The following WNT6 variants were observed in gnomAD, a reference collection of about 807,000 sequenced individuals.
The protein encoded by WNT6 is Wnt family member 6, also known as protein Wnt-6.
WNT6 carries 27 observed loss-of-function variants against 33.1 expected under a neutral mutation model. That is an observed-to-expected ratio of 0.82 (90% CI 0.60 to 1.12). WNT6 has a LOEUF of 1.12. WNT6 is among the 50% of genes most tolerant of loss of function. WNT6 has a pLI of 0.00. For missense variants in WNT6, 494 were observed against 535.3 expected (o/e 0.92, Z 0.76); for synonymous variants, 249 against 242.8 (o/e 1.03, Z -0.24).
At position 218,874,056 on chromosome 2, in the gene WNT6, C is replaced by A; in HGVS notation, c.*211C>A. On this transcript the variant is annotated 3_prime_UTR_variant, in exon 4 of 4. Transcript: ENST00000233948. ...GGCGCCAGACGGCCCCGAAAAGGCG[C>A]TCGGGGAGCGTTTAAAGGACACTGT... 3.5e-6 allele frequency: 2 copies of A among 566,190 alleles called. No homozygotes were observed. The highest frequency in any genetic ancestry group is 5.9e-6 in the Non-Finnish European group (2 of 339,016). 35.1% of individuals were successfully genotyped at this position (566,190 alleles called of 1,614,324 possible).
In WNT6 at chr2:218,873,731, G is replaced by T; in HGVS notation, c.984G>T (p.Gly328=). The change falls in exon 4 of 4, where the codon GGG becomes GGT. Residue 328 remains glycine (G), a synonymous_variant. Transcript: ENST00000233948. This position sits in a 1 kb window ranked among gnomAD's most constrained non-coding sequence, Gnocchi z 6.1. ...SGCDLLCCGR[G]HRQESVQLEE... The stretch of plus-strand genomic sequence containing the variant: ...GCGACCTGCTGTGCTGCGGCCGCGG[G>T]CACCGCCAGGAGAGCGTGCAGCTCG... 1 of 1,576,926 alleles carries T rather than the reference G, an allele frequency of 6.3e-7. No individual in the cohort carries two copies.
Position 218,871,895 on chromosome 2 carries a change from G to C in WNT6, c.636+76G>C, listed in dbSNP as rs1005372280. ...GCAGGAGTGTGCTTGAGGAAGTGTT[G>C]GCAGGAGTGAGGGTGTGTAGGTGGA... is the stretch of plus-strand genomic sequence containing the variant. On this transcript the variant is annotated intron_variant, in intron 3 of 3. Transcript: ENST00000233948. The surrounding 1 kb of genome is among the most constrained non-coding windows in gnomAD (Gnocchi z 6.4). The C allele has an allele frequency of 3.2e-6, 4 of 1,235,606 alleles. No individual in the cohort carries two copies. In the African/African-American group the frequency reaches 6.3e-5, roughly 20 times the overall value. 76.5% of individuals were successfully genotyped at this position (1,235,606 alleles called of 1,614,324 possible).
At chr2:218,869,223 C>T (rs761236635) in intron 1 of WNT6, among the ~76,000 whole-genome samples, 1 of 151,990 alleles carries the variant, frequency 6.6e-6, no homozygotes, top group Admixed American at 6.5e-5. Context: ...TGTGTGCGTG[C>T]GCATGCGTGC....
At chr2:218,870,493 G>A (rs939722896) in intron 1 of WNT6, among the ~76,000 whole-genome samples, 3 of 152,158 alleles carry the variant, frequency 2.0e-5, no homozygotes, top group Admixed American at 6.5e-5. Flanking sequence ...CCAACATCTC[G>A]TGGCATTCTC....
chr2:218,863,547 C>A (rs1291792696), intron 1 of WNT6, among the ~76,000 whole-genome samples: 1 of 152,130 alleles, frequency 6.6e-6, no homozygotes, highest in Non-Finnish European at 1.5e-5. Flanking sequence ...GTGATGCATG[C>A]TTTCTAAACT....
In WNT6 at chr2:218,871,635, C is replaced by T. The variant is rs375766200; in HGVS notation, c.452C>T (p.Thr151Ile). 8 of 1,477,318 alleles carry T rather than the reference C, an allele frequency of 5.4e-6. No homozygotes were observed. The highest frequency in any genetic ancestry group is 2.3e-4 in the Middle Eastern group (1 of 4,256). The allele number at this position is 1,477,318 out of a possible 1,614,324, so 91.5% of individuals were successfully genotyped here. ...APPRPSGLPG[T>I]PGPPGPAGSP... ...CCCCGGCCCTCCGGCCTGCCCGGCACCCCCGGACCCCCTGGCCCCGCGGGC... is the reference window on the plus strand; with the variant it reads ...CCCCGGCCCTCCGGCCTGCCCGGCATCCCCGGACCCCCTGGCCCCGCGGGC... Residue 151 changes from threonine to isoleucine, a missense_variant, in exon 3 of 4, where the codon ACC becomes ATC. Coordinates refer to ENST00000233948, the MANE Select transcript of WNT6 (RefSeq NM_006522.4). The surrounding 1 kb of genome is among the most constrained non-coding windows in gnomAD (Gnocchi z 6.4).
At chr2:218,868,596 TG>T (rs1467855232) in intron 1 of WNT6, among the ~76,000 whole-genome samples, 1 of 151,898 alleles carries the variant, frequency 6.6e-6, no homozygotes, top group Admixed American at 6.6e-5. Context: ...TGATTCCCAG[TG>T]GGGGAAAAGA....
intron 1 of WNT6, among the ~76,000 whole-genome samples, chr2:218,868,009 C>G (rs1356062870): frequency 6.6e-6 from 1 of 152,148 alleles, no homozygotes; most frequent in South Asian, 2.1e-4. Flanking sequence ...CCCCCTGCCA[C>G]GCCCCTTCTG....
chr2:218,873,085 T>G lies in WNT6; in HGVS notation c.637-299T>G, dbSNP rs1944417878. 6.6e-6 allele frequency among the ~76,000 whole-genome samples: 1 copy of G among 152,062 alleles called. No homozygotes were observed. Among genetic ancestry groups the G allele is most frequent in the Non-Finnish European group, 1.5e-5 (1 of 68,002 alleles). On this transcript the variant is annotated intron_variant, in intron 3 of 3. Transcript: ENST00000233948. This position sits in a 1 kb window ranked among gnomAD's most constrained non-coding sequence, Gnocchi z 6.1. ...TCCAAAGAGAATCTCACCCCTGCTG[T>G]CCATTCTGCTTTCTCCCCCACCCCC... is the stretch of plus-strand genomic sequence containing the variant.
intron 1 of WNT6, among the ~76,000 whole-genome samples, chr2:218,860,328 AC>A (rs1217189833): frequency 4.6e-5 from 7 of 150,922 alleles, no homozygotes; most frequent in African/African-American, 1.7e-4. Flanking sequence ...GTTCTCTCCC[AC>A]CCCCCGCCAA....
chr2:218,864,934 C>T (rs1346199030), intron 1 of WNT6, among the ~76,000 whole-genome samples: 1 of 152,250 alleles, frequency 6.6e-6, no homozygotes, highest in Non-Finnish European at 1.5e-5. Flanking sequence ...CCATTCCCCC[C>T]TCCAGGCCTC....
intron 1 of WNT6, among the ~76,000 whole-genome samples, chr2:218,860,371 G>A (rs530238356): frequency 8.5e-5 from 13 of 152,356 alleles, no homozygotes; most frequent in African/African-American, 2.6e-4. Flanking sequence ...CCAAGGAACA[G>A]GCGAGTGGGT....
At chr2:218,868,253 C>G (rs934915752) in intron 1 of WNT6, among the ~76,000 whole-genome samples, 1 of 152,164 alleles carries the variant, frequency 6.6e-6, no homozygotes, top group East Asian at 1.9e-4. Context: ...GGCCTCCATA[C>G]TCCTCGTGAT....
intron 1 of WNT6, among the ~76,000 whole-genome samples, chr2:218,870,081 C>T (rs1944387577): frequency 6.6e-6 from 1 of 152,054 alleles, no homozygotes; most frequent in Non-Finnish European, 1.5e-5. Context: ...ATTAGCCAGG[C>T]CTGGTGGTGC....
Position 218,873,261 on chromosome 2 carries a change from T to G in WNT6, c.637-123T>G. The G allele has an allele frequency of 4.0e-6, 4 of 1,005,302 alleles. No homozygotes were observed. Among genetic ancestry groups the G allele is most frequent in the Non-Finnish European group, 5.7e-6 (4 of 701,730 alleles). The allele number at this position is 1,005,302 out of a possible 1,614,324, so 62.3% of individuals were successfully genotyped here. On this transcript the variant is annotated intron_variant, in intron 3 of 3. Coordinates refer to ENST00000233948, the MANE Select transcript of WNT6 (RefSeq NM_006522.4). This position sits in a 1 kb window ranked among gnomAD's most constrained non-coding sequence, Gnocchi z 6.1. ...CCTCCCCCTGAACTTGCGGTCTCCTTTTGTCTGCATTTTCCTCTCTTCCTT... is the reference window on the plus strand; with the variant it reads ...CCTCCCCCTGAACTTGCGGTCTCCTGTTGTCTGCATTTTCCTCTCTTCCTT...
chr2:218,863,911 A>G (rs866473163), intron 1 of WNT6, among the ~76,000 whole-genome samples: 4 of 152,118 alleles, frequency 2.6e-5, no homozygotes, highest in Admixed American at 6.5e-5. Context: ...CTCATTTGTA[A>G]TCATATCTTT....
chr2:218,864,675 C>T (rs571662077), intron 1 of WNT6, among the ~76,000 whole-genome samples: 12 of 152,220 alleles, frequency 7.9e-5, no homozygotes, highest in Non-Finnish European at 1.5e-4. Context: ...TCACCCACCC[C>T]CCTCCTGGAA....
At chr2:218,872,164 C>T (rs1389936933) in intron 3 of WNT6, among the ~76,000 whole-genome samples, 2 of 152,040 alleles carry the variant, frequency 1.3e-5, no homozygotes, top group Non-Finnish European at 2.9e-5. Flanking sequence ...TGAAGCAAAG[C>T]TTGCAGTGGG....
intron 1 of WNT6, among the ~76,000 whole-genome samples, chr2:218,870,618 C>G (rs1944391949): frequency 6.6e-6 from 1 of 152,234 alleles, no homozygotes; most frequent in Admixed American, 6.5e-5. Flanking sequence ...TTTGGTGTCT[C>G]TTGACGACAC....
Sources: allele counts gnomAD v4.1 joint callset (sites outside exome capture counted in the v4.1 genomes callset), GRCh38; gene constraint gnomAD v4.1.1; non-coding constraint Gnocchi (gnomAD v3.1); transcripts MANE v1.5; gene names NCBI Gene and HGNC (gene_info 2026-07-23, HGNC 2026-07-21).